The following LRMDA variants were observed in gnomAD, a reference collection of about 807,000 sequenced individuals.
The protein encoded by LRMDA is leucine-rich melanocyte differentiation-associated protein.
In LRMDA, 18 loss-of-function variants were observed where a neutral mutation model predicts 29.8. That is an observed-to-expected ratio of 0.60 (90% CI 0.42 to 0.90). LRMDA has a LOEUF of 0.90. Ranked by LOEUF, LRMDA falls within the 40% of genes least tolerant of loss-of-function variation. The probability of loss-of-function intolerance (pLI) is 0.00; values close to 1 mark genes in which losing one functional copy is unlikely to be tolerated. For synonymous variants in LRMDA, 125 were observed against 109.4 expected (o/e 1.14, Z -0.89); for missense variants, 273 against 273.9 (o/e 1.00, Z 0.02).
At chr10:75,548,089 A>G (rs1840100079) in intron 2 of LRMDA, among the ~76,000 whole-genome samples, 1 of 150,930 alleles carries the variant, frequency 6.6e-6, no homozygotes, top group African/African-American at 2.5e-5. Context: ...GGTGAAGGAC[A>G]GCATTTAAAA....
At chr10:76,045,144 G>T in intron 3 of LRMDA, among the ~76,000 whole-genome samples, 1 of 139,372 alleles carries the variant, frequency 7.2e-6, no homozygotes, top group Non-Finnish European at 1.5e-5. Context: ...CCCCTCTCTT[G>T]CTACTTTACC....
At chr10:76,285,122 T>C (rs887323986) in intron 5 of LRMDA, among the ~76,000 whole-genome samples, 3 of 152,180 alleles carry the variant, frequency 2.0e-5, no homozygotes, top group African/African-American at 7.2e-5. Flanking sequence ...CTCTGATGCC[T>C]AGTATGGTAT....
intron 2 of LRMDA, among the ~76,000 whole-genome samples, chr10:76,009,545 G>A (rs749492216): frequency 1.3e-5 from 2 of 152,078 alleles, no homozygotes; most frequent in Non-Finnish European, 2.9e-5. Flanking sequence ...CCAGGAGCTC[G>A]CAACCTTGCT....
At chr10:76,167,616 C>A (rs1483996096) in intron 5 of LRMDA, among the ~76,000 whole-genome samples, 1 of 152,096 alleles carries the variant, frequency 6.6e-6, no homozygotes, top group Non-Finnish European at 1.5e-5. Context: ...GTCTATGTAT[C>A]TGTTTTTGTA....
intron 5 of LRMDA, among the ~76,000 whole-genome samples, chr10:76,217,829 T>C (rs1351289646): frequency 2.0e-5 from 3 of 152,178 alleles, no homozygotes; most frequent in African/African-American, 7.2e-5. Flanking sequence ...CCTCTTCTCT[T>C]ACTTTTGTCA....
In LRMDA at chr10:75,852,013, G is replaced by C. The variant is rs529870347; in HGVS notation, c.132-183995G>C. Among the ~76,000 whole-genome samples, 5 of 152,284 alleles carry C rather than the reference G, an allele frequency of 3.3e-5. No homozygotes were observed. In the South Asian group the frequency reaches 1.0e-3, roughly 32 times the overall value. On this transcript the variant is annotated intron_variant, in intron 2 of 6. Transcript: ENST00000611255. ...CTCTGGAAGGTCCAAATTGGAGTGG[G>C]CAATTCCCCACCCCCTTCTCTAGAA...
At chr10:75,737,832 T>C (rs11001487) in intron 2 of LRMDA, among the ~76,000 whole-genome samples, 4,920 of 152,286 alleles carry the variant, frequency 0.032, 234 homozygotes, top group East Asian at 0.24. Context: ...CCTATAGTTA[T>C]CACTGCTGCA....
At chr10:76,432,450 G>A (rs938378363) in intron 6 of LRMDA, among the ~76,000 whole-genome samples, 3 of 152,130 alleles carry the variant, frequency 2.0e-5, no homozygotes, top group Non-Finnish European at 4.4e-5. Flanking sequence ...GAGATGATCT[G>A]GCCCCATGCC....
chr10:75,735,282 G>A (rs1457946772), intron 2 of LRMDA, among the ~76,000 whole-genome samples: 1 of 152,120 alleles, frequency 6.6e-6, no homozygotes, highest in African/African-American at 2.4e-5. Context: ...TGTTATAAAA[G>A]TCTTTTGTTT....
chr10:76,124,740 G>C (rs748534831), intron 5 of LRMDA, among the ~76,000 whole-genome samples: 1 of 152,186 alleles, frequency 6.6e-6, no homozygotes, highest in Non-Finnish European at 1.5e-5. Context: ...GATATTGACT[G>C]CTCCCCACGT....
At chr10:76,234,517 A>C (rs1281994979) in intron 5 of LRMDA, among the ~76,000 whole-genome samples, 1 of 152,210 alleles carries the variant, frequency 6.6e-6, no homozygotes, top group Non-Finnish European at 1.5e-5. Flanking sequence ...GAAGCCAGGC[A>C]TTGACTTCTC....
chr10:75,785,102 T>C (rs943638588), intron 2 of LRMDA, among the ~76,000 whole-genome samples: 2 of 152,200 alleles, frequency 1.3e-5, no homozygotes, highest in East Asian at 3.9e-4. Context: ...GCTGCGTGGA[T>C]TCCTGGAGAT....
intron 2 of LRMDA, among the ~76,000 whole-genome samples, chr10:75,476,985 TTC>T (rs1016433831): frequency 1.3e-5 from 2 of 151,764 alleles, no homozygotes; most frequent in African/African-American, 4.8e-5. Flanking sequence ...TCCTCTTCTT[TTC>T]TCTCTCTCTT....
At chr10:75,979,769 G>A (rs1421331235) in intron 2 of LRMDA, among the ~76,000 whole-genome samples, 2 of 151,844 alleles carry the variant, frequency 1.3e-5, no homozygotes, top group African/African-American at 4.8e-5. Flanking sequence ...GTCCATATGT[G>A]CCAGCTGTTT....
intron 6 of LRMDA, among the ~76,000 whole-genome samples, chr10:76,477,919 T>A (rs1842693767): frequency 6.6e-6 from 1 of 152,046 alleles, no homozygotes; most frequent in Admixed American, 6.5e-5. Flanking sequence ...GATTAAAGAG[T>A]TAAATGTTAG....
intron 1 of LRMDA, 105 bp from the exon 2 acceptor site, chr10:75,438,287 CAT>C (rs1844284743): frequency 1.1e-5 from 10 of 882,408 alleles, no homozygotes; most frequent in East Asian, 5.3e-5. Flanking sequence ...GTGTGAGAAA[CAT>C]GTGTTTCAAG....
chr10:76,010,844 C>T (rs1482888802), intron 2 of LRMDA, among the ~76,000 whole-genome samples: 1 of 152,240 alleles, frequency 6.6e-6, no homozygotes, highest in Non-Finnish European at 1.5e-5. Context: ...GTCTCAGGCC[C>T]TCTGCAGAGA....
chr10:75,908,753 C>T (rs1267575662), intron 2 of LRMDA, among the ~76,000 whole-genome samples: 3 of 152,098 alleles, frequency 2.0e-5, no homozygotes, highest in Non-Finnish European at 4.4e-5. Context: ...GATTTTTGTA[C>T]CCACAGGCTC....
chr10:75,921,158 C>CA (rs1199509641), intron 2 of LRMDA, among the ~76,000 whole-genome samples: 1 of 152,154 alleles, frequency 6.6e-6, no homozygotes, highest in East Asian at 1.9e-4. Context: ...AGACCTGGTT[C>CA]TTTTGTACTA....
Sources: allele counts gnomAD v4.1 joint callset (sites outside exome capture counted in the v4.1 genomes callset), GRCh38; gene constraint gnomAD v4.1.1; transcripts MANE v1.5; gene names NCBI Gene and HGNC (gene_info 2026-07-23, HGNC 2026-07-21).